The following HERC2 variants were observed in gnomAD, a reference collection of about 807,000 sequenced individuals.
The protein encoded by HERC2 is E3 ubiquitin-protein ligase HERC2.
A neutral mutation model predicts 537.7 loss-of-function variants in HERC2; 102 were observed. The ratio of observed to expected loss-of-function variants is 0.19; its 90% CI spans 0.16 to 0.22. The LOEUF is 0.22. Among genes scored for constraint, HERC2 ranks in the 10% least tolerant of loss-of-function variants. HERC2 has a pLI of 1.00. For missense variants in HERC2, 4,236 were observed against 6,198.2 expected (o/e 0.68, Z 10.63); for synonymous variants, 2,224 against 2,466.2 (o/e 0.90, Z 2.91).
chr15:28,269,515 A>G, intron 10 of HERC2, 79 bp from the exon 11 acceptor site: 5 of 1,146,758 alleles, frequency 4.4e-6, no homozygotes, highest in Non-Finnish European at 6.3e-6. Flanking sequence ...GAGCTACTAC[A>G]AAATAAAAAC....
chr15:28,256,716 T>A (rs1396148215), intron 17 of HERC2, among the ~76,000 whole-genome samples: 1 of 152,142 alleles, frequency 6.6e-6, no homozygotes, highest in East Asian at 1.9e-4. Flanking sequence ...TGACTCAGCC[T>A]CCCGAGTAGC....
chr15:28,199,834 G>A (rs1490179411), intron 48 of HERC2, among the ~76,000 whole-genome samples: 1 of 152,168 alleles, frequency 6.6e-6, no homozygotes, highest in Non-Finnish European at 1.5e-5. Context: ...AACAGGGAGA[G>A]AGGAAGATGT....
chr15:28,148,929 G>A (rs1892072559), intron 70 of HERC2, among the ~76,000 whole-genome samples: 1 of 141,636 alleles, frequency 7.1e-6, no homozygotes, highest in African/African-American at 2.7e-5. Flanking sequence ...ACTCCTAACT[G>A]AAACATCACC....
At chr15:28,243,588 CAA>C (rs146190898) in intron 23 of HERC2, among the ~76,000 whole-genome samples, 1,860 of 152,232 alleles carry the variant, frequency 0.012, 40 homozygotes, top group African/African-American at 0.043. Context: ...TGGCACTTCA[CAA>C]AAGAGAATTT....
intron 44 of HERC2, among the ~76,000 whole-genome samples, chr15:28,206,961 A>G (rs73362642): frequency 0.076 from 11,460 of 150,738 alleles, 1,516 homozygotes; most frequent in African/African-American, 0.27. Flanking sequence ...CAGCGAGCCA[A>G]TATCACACCA....
In HERC2 at chr15:28,202,565, G is replaced by T. The variant is rs1472329367; in HGVS notation, c.7262C>A (p.Pro2421His). Reference sequence around the variant, plus strand: ...GCAGTCTTCAAATCCTGGGCTCGAAGGGTGAGTGGACTCCACAGCCAAGCA... The same window carrying T: ...GCAGTCTTCAAATCCTGGGCTCGAATGGTGAGTGGACTCCACAGCCAAGCA... ...CQCLAVESTH[P>H]SSPGFEDCSS... Residue 2421 changes from proline (P) to histidine (H), a missense_variant, in exon 46 of 93, where the codon CCT becomes CAT. By Grantham distance (77) the Pro-to-His change is moderately conservative. Transcript: ENST00000261609. 1.3e-6 allele frequency: 1 copy of T among 767,592 alleles called. No homozygotes were observed. Among genetic ancestry groups the T allele is most frequent in the Non-Finnish European group, 2.1e-6 (1 of 476,346 alleles). The allele number at this position is 767,592 out of a possible 1,614,324, so 47.5% of individuals were successfully genotyped here. A position where few individuals can be genotyped will look rare whatever the true frequency, so the allele number is the denominator to read the frequency against.
At chr15:28,165,568 G>A (rs1407768388) in intron 68 of HERC2, among the ~76,000 whole-genome samples, 1 of 151,570 alleles carries the variant, frequency 6.6e-6, no homozygotes, top group African/African-American at 2.4e-5. Flanking sequence ...GAGGCAGGCA[G>A]ATCACTTGAG....
Position 28,214,203 on chromosome 15 carries a change from G to A in HERC2, c.6428C>T (p.Ala2143Val), listed in dbSNP as rs1394393689. 13 of 1,612,236 alleles carry A rather than the reference G, an allele frequency of 8.1e-6. No homozygotes were observed. The highest frequency in any genetic ancestry group is 4.0e-5 in the African/African-American group (3 of 74,870). ...GCGCAGCAGTGCCACCACCTCCTCC[G>A]CCAGTGTGCTGCTGTGGGTGGCAGT... ...SLTATHSSTL[A>V]EEVVALLRTL... Residue 2143 changes from alanine (A) to valine (V), a missense_variant, in exon 41 of 93, where the codon GCG becomes GTG. Ala to Val is a moderately conservative substitution (Grantham distance 64). Around this residue, in one of 27 missense-constraint regions of HERC2, gnomAD observed 365 missense variants for 468.8 expected, o/e 0.78. Coordinates refer to ENST00000261609, the MANE Select transcript of HERC2 (RefSeq NM_004667.6).
chr15:28,164,746 C>T (rs961593506), intron 68 of HERC2, among the ~76,000 whole-genome samples: 4 of 152,132 alleles, frequency 2.6e-5, no homozygotes, highest in African/African-American at 9.7e-5. Context: ...TGGATAATGC[C>T]TATGTCTCAT....
intron 55 of HERC2, among the ~76,000 whole-genome samples, chr15:28,189,077 A>T (rs1421607106): frequency 6.6e-6 from 1 of 152,084 alleles, no homozygotes; most frequent in Non-Finnish European, 1.5e-5. Flanking sequence ...ACAGAGTGAG[A>T]CTCAGTCTCA....
Position 28,206,630 on chromosome 15 carries a change from A to T in HERC2, c.7070-248T>A, listed in dbSNP as rs143333992. 7.7e-4 allele frequency among the ~76,000 whole-genome samples: 116 copies of T among 151,314 alleles called. 1 individual carries two copies. Among genetic ancestry groups the T allele is most frequent in the African/African-American group, 2.7e-3 (111 of 40,798 alleles). ...GGGTGGATCACAAGGTCAGGATATC[A>T]AGACCATCCTGGGTAACACGGTGAA... On this transcript the variant is annotated intron_variant, in intron 44 of 92. Transcript: ENST00000261609.
intron 71 of HERC2, among the ~76,000 whole-genome samples, chr15:28,145,163 C>T (rs2142272930): frequency 6.6e-6 from 1 of 152,340 alleles, no homozygotes; most frequent in South Asian, 2.1e-4. Context: ...GCCATGGGGA[C>T]ATTTCCCGGG....
At chr15:28,280,021 T>G (rs762975476) in intron 5 of HERC2, 47 bp downstream of exon 5, 4 of 1,450,338 alleles carry the variant, frequency 2.8e-6, no homozygotes, top group Non-Finnish European at 3.8e-6. Context: ...ACAGTCTGAA[T>G]TTTATATTTA....
Position 28,132,669 on chromosome 15 carries a change from T to A in HERC2, c.12392A>T (p.Gln4131Leu). The A allele has an allele frequency of 6.4e-7, 1 of 1,554,824 alleles. No homozygotes were observed. The highest frequency in any genetic ancestry group is 8.7e-7 in the Non-Finnish European group (1 of 1,149,106). ...GRLGHSDSED[Q>L]LKPKLVEALQ... ...CCTCCTCACCAGCTTCGGCTTCAGC[T>A]GGTCCTCACTGTCGCTGTGCCCCAG... Residue 4131 changes from glutamine (Q) to leucine (L), a missense_variant, in exon 80 of 93, where the codon CAG becomes CTG. Gln to Leu is a moderately radical substitution (Grantham distance 113, BLOSUM62 -2). Around this residue, in one of 27 missense-constraint regions of HERC2, gnomAD observed 94 missense variants for 137.4 expected, o/e 0.68. Transcript: ENST00000261609.
At chr15:28,138,459 C>T (rs978322880) in intron 78 of HERC2, among the ~76,000 whole-genome samples, 27 of 152,110 alleles carry the variant, frequency 1.8e-4, no homozygotes, top group African/African-American at 6.5e-4. Context: ...AATCTTAGGG[C>T]CCTTAAGAAT....
intron 56 of HERC2, among the ~76,000 whole-genome samples, chr15:28,183,364 C>T (rs759193685): frequency 6.7e-6 from 1 of 150,046 alleles, no homozygotes; most frequent in Non-Finnish European, 1.5e-5. Context: ...CCTGCACCAT[C>T]ATGCCCAGCT....
In HERC2 at chr15:28,266,109, G is replaced by C. The variant is rs887223461; in HGVS notation, c.1599-135C>G. On this transcript the variant is annotated intron_variant, in intron 12 of 92. Coordinates refer to ENST00000261609, the MANE Select transcript of HERC2 (RefSeq NM_004667.6). Reference sequence around the variant, plus strand: ...CAGTTTCACCTTCCAGGTACCTTGTGAAAGAAGGAAGAGAGAATTCCAACA... The same window carrying C: ...CAGTTTCACCTTCCAGGTACCTTGTCAAAGAAGGAAGAGAGAATTCCAACA... 1.3e-5 allele frequency: 12 copies of C among 923,956 alleles called. No individual in the cohort carries two copies. In the African/African-American group the frequency reaches 1.8e-4, roughly 14 times the overall value. 57.2% of individuals were successfully genotyped at this position (923,956 alleles called of 1,614,324 possible).
At chr15:28,289,583 TC>T (rs538234232) in intron 4 of HERC2, among the ~76,000 whole-genome samples, 244 of 151,796 alleles carry the variant, frequency 1.6e-3, no homozygotes, top group African/African-American at 4.0e-3. Context: ...GGAGCTGATC[TC>T]CCCAGAACGC....
At chr15:28,135,932 G>T (rs1423125212) in intron 78 of HERC2, among the ~76,000 whole-genome samples, 1 of 151,892 alleles carries the variant, frequency 6.6e-6, no homozygotes, top group Non-Finnish European at 1.5e-5. Context: ...TGAAAATAAG[G>T]TCTTCTTGCT....
Sources: gnomAD v4.1 joint callset for allele counts (sites outside exome capture counted in the v4.1 genomes callset) on GRCh38, gnomAD v4.1.1 for gene constraint, gnomAD v4.1.1 regional missense constraint, MANE v1.5 for transcripts, NCBI Gene and HGNC (gene_info 2026-07-23, HGNC 2026-07-21) for gene names.